The following CNTN5 variants were observed in gnomAD, a reference collection of about 807,000 sequenced individuals.
CNTN5 encodes the protein contactin 5.
A neutral mutation model predicts 129.1 loss-of-function variants in CNTN5; 77 were observed. The observed-to-expected ratio is 0.60, with a 90% confidence interval of 0.50 to 0.72. CNTN5 has a LOEUF of 0.72. CNTN5 is among the 30% of genes least tolerant of loss of function. The probability of loss-of-function intolerance (pLI) is 0.00; values close to 1 mark genes in which losing one functional copy is unlikely to be tolerated. For missense variants in CNTN5, 1,478 were observed against 1,328.8 expected (o/e 1.11, Z -1.75); for synonymous variants, 509 against 465.6 (o/e 1.09, Z -1.20).
At chr11:100,082,137 G>C (rs758492372) in intron 13 of CNTN5, among the ~76,000 whole-genome samples, 3 of 152,128 alleles carry the variant, frequency 2.0e-5, no homozygotes, top group Non-Finnish European at 4.4e-5. Context: ...ATGGGTGTGT[G>C]TACAAATAAG....
intron 15 of CNTN5, among the ~76,000 whole-genome samples, chr11:100,212,456 G>C (rs1259116214): frequency 6.6e-6 from 1 of 152,100 alleles, no homozygotes; most frequent in African/African-American, 2.4e-5. Flanking sequence ...CAGGGTCAAA[G>C]AACAAAACTA....
chr11:100,067,843 C>A (rs980739149), intron 10 of CNTN5, among the ~76,000 whole-genome samples: 7 of 151,182 alleles, frequency 4.6e-5, no homozygotes, highest in Middle Eastern at 3.2e-3. Context: ...AAAAAAAAAT[C>A]TAAAGAAAGG....
intron 3 of CNTN5, among the ~76,000 whole-genome samples, chr11:99,640,447 TTA>T (rs1951730090): frequency 6.6e-6 from 1 of 152,212 alleles, no homozygotes; most frequent in Non-Finnish European, 1.5e-5. Flanking sequence ...CTCATGTGAC[TTA>T]TTCACTACCA....
chr11:99,984,750 A>T lies in CNTN5; in HGVS notation c.878-17284A>T, dbSNP rs575180365. ...TATTTGGAAAATAGCAAGCACTCCT[A>T]TTACATGGAATGTTGCATGCATAAA... On this transcript the variant is annotated intron_variant, in intron 8 of 24. Transcript: ENST00000524871. Among the ~76,000 whole-genome samples the T allele has an allele frequency of 3.2e-4, 48 of 152,364 alleles. No individual in the cohort carries two copies. In the South Asian group the frequency reaches 9.1e-3, roughly 29 times the overall value.
chr11:99,169,683 A>C (rs1024074031), intron 1 of CNTN5, among the ~76,000 whole-genome samples: 1 of 152,200 alleles, frequency 6.6e-6, no homozygotes, highest in African/African-American at 2.4e-5. Flanking sequence ...AAGAGAAAGA[A>C]AATTTCAAAA....
At chr11:99,911,599 T>A (rs1227866926) in intron 6 of CNTN5, among the ~76,000 whole-genome samples, 3 of 151,970 alleles carry the variant, frequency 2.0e-5, no homozygotes, top group Non-Finnish European at 4.4e-5. Flanking sequence ...CTATCTCTTT[T>A]GATAGTTTCA....
chr11:100,266,348 AAT>A (rs1405856927), intron 17 of CNTN5, among the ~76,000 whole-genome samples: 1 of 152,112 alleles, frequency 6.6e-6, no homozygotes, highest in East Asian at 1.9e-4. Context: ...TCTGATGCAC[AAT>A]GTTTTCTTTG....
rs1343056217 is a variant in CNTN5, at chr11:99,957,915, G to T, written c.877+906G>T. ...TGTATATATATAAACATTTAAATAT[G>T]TGTATTTATGTAAACAAGTCTATGA... On this transcript the variant is annotated intron_variant, in intron 8 of 24. Transcript: ENST00000524871. 2.6e-5 allele frequency among the ~76,000 whole-genome samples: 4 copies of T among 151,582 alleles called. No individual in the cohort carries two copies. In the East Asian group the frequency reaches 7.7e-4, roughly 29 times the overall value.
intron 3 of CNTN5, among the ~76,000 whole-genome samples, chr11:99,659,143 A>C (rs1952503730): frequency 6.6e-6 from 1 of 152,172 alleles, no homozygotes; most frequent in Non-Finnish European, 1.5e-5. Context: ...ACTCTTTAAA[A>C]TAAAAGTTGT....
chr11:99,532,718 C>T (rs1947759371), intron 2 of CNTN5, among the ~76,000 whole-genome samples: 1 of 152,200 alleles, frequency 6.6e-6, no homozygotes, highest in Non-Finnish European at 1.5e-5. Flanking sequence ...CTCATTCTCT[C>T]TTGCTGCTGC....
rs376565183 is a variant in CNTN5 at position 100,191,214 on chromosome 11, T to C, written c.1669T>C (p.Phe557Leu). 2 of 1,612,646 alleles carry C rather than the reference T, an allele frequency of 1.2e-6. No homozygotes were observed. The highest frequency in any genetic ancestry group is 1.3e-5 in the African/African-American group (1 of 74,848). Residue 557 changes from phenylalanine (F) to leucine (L), a missense_variant, in exon 14 of 25, where the codon TTT (phenylalanine) becomes CTT (leucine). Phe to Leu is a conservative substitution (Grantham distance 22). Transcript: ENST00000524871. ...GTACGTTTGCCGAGGGGAAAACGTC[T>C]TTGGTTCTGCTGAAATTATAGCTTC... is the stretch of plus-strand genomic sequence containing the variant. ...GKYVCRGENV[F>L]GSAEIIASLS...
At chr11:99,032,466 G>C (rs933647475) in intron 1 of CNTN5, among the ~76,000 whole-genome samples, 16 of 149,614 alleles carry the variant, frequency 1.1e-4, no homozygotes, top group Admixed American at 1.1e-3. Context: ...ATTCTAACTG[G>C]TGTGAGATGG....
chr11:99,136,377 T>G (rs1859218132), intron 1 of CNTN5, among the ~76,000 whole-genome samples: 1 of 152,168 alleles, frequency 6.6e-6, no homozygotes, highest in Non-Finnish European at 1.5e-5. Context: ...TTCTCTTCAT[T>G]GCTCCTAAAG....
At chr11:99,038,912 AT>A (rs1343970921) in intron 1 of CNTN5, among the ~76,000 whole-genome samples, 2 of 152,054 alleles carry the variant, frequency 1.3e-5, no homozygotes, top group Non-Finnish European at 2.9e-5. Flanking sequence ...GATAAGTAAA[AT>A]TTCCCATCTG....
intron 3 of CNTN5, among the ~76,000 whole-genome samples, chr11:99,657,492 T>G (rs1952420592): frequency 6.6e-6 from 1 of 152,088 alleles, no homozygotes; most frequent in Non-Finnish European, 1.5e-5. Flanking sequence ...TCCTTGTATA[T>G]CACTGTAACC....
intron 3 of CNTN5, among the ~76,000 whole-genome samples, chr11:99,813,894 G>T (rs1460686940): frequency 6.6e-6 from 1 of 152,064 alleles, no homozygotes; most frequent in African/African-American, 2.4e-5. Context: ...ATTGTGGAAT[G>T]ATATAAGCAA....
At chr11:99,206,891 A>C (rs748786802) in intron 1 of CNTN5, among the ~76,000 whole-genome samples, 33 of 152,160 alleles carry the variant, frequency 2.2e-4, no homozygotes, top group Non-Finnish European at 4.6e-4. Flanking sequence ...TAAACCCCAA[A>C]AAGCAAACAA....
chr11:99,890,068 T>C (rs1949017493), intron 6 of CNTN5, among the ~76,000 whole-genome samples: 1 of 152,178 alleles, frequency 6.6e-6, no homozygotes, highest in Non-Finnish European at 1.5e-5. Flanking sequence ...CCAAATAAAT[T>C]ATTACTCATG....
intron 6 of CNTN5, among the ~76,000 whole-genome samples, chr11:99,907,985 T>A (rs75342138): frequency 1.3e-5 from 2 of 152,104 alleles, no homozygotes; most frequent in African/African-American, 2.4e-5. Flanking sequence ...AATATAAAAT[T>A]ACACGTTGAA....
Sources: gnomAD v4.1 joint callset for allele counts (sites outside exome capture counted in the v4.1 genomes callset) on GRCh38, gnomAD v4.1.1 for gene constraint, MANE v1.5 for transcripts, NCBI Gene and HGNC (gene_info 2026-07-23, HGNC 2026-07-21) for gene names.